Variants in MROH9 observed in about 807,000 individuals in gnomAD.
MROH9 encodes the protein maestro heat like repeat family member 9.
A neutral mutation model predicts 98.2 loss-of-function variants in MROH9; 92 were observed. The observed-to-expected ratio is 0.94, with a 90% confidence interval of 0.79 to 1.11. The LOEUF (loss-of-function observed/expected upper bound fraction) is 1.11, where lower values mean the gene tolerates loss of function less well. MROH9 is among the 50% of genes most tolerant of loss of function. MROH9 has a pLI of 0.00. For missense variants in MROH9, 1,057 were observed against 1,014.8 expected, an observed-to-expected ratio of 1.04 and a Z score of -0.57; for synonymous variants, 397 against 368.9, an observed-to-expected ratio of 1.08 and a Z score of -0.87.
chr1:170,980,772 A>T (rs1248412947), intron 8 of MROH9, among the ~76,000 whole-genome samples: 2 of 152,226 alleles, frequency 1.3e-5, no homozygotes, highest in African/African-American at 4.8e-5. Context: ...GACAAATGAG[A>T]TCTAATTCAA....
intron 15 of MROH9, among the ~76,000 whole-genome samples, chr1:171,003,146 T>C (rs1334651252): frequency 1.3e-5 from 2 of 152,206 alleles, no homozygotes; most frequent in Non-Finnish European, 2.9e-5. Flanking sequence ...TCTTCACTTC[T>C]TGTATCATTT....
At chr1:171,012,647 T>G (rs896695670) in intron 15 of MROH9, among the ~76,000 whole-genome samples, 7 of 151,652 alleles carry the variant, frequency 4.6e-5, no homozygotes, top group Admixed American at 3.9e-4. Context: ...GGACTACAGG[T>G]GCCTGCCACC....
chr1:170,981,569 G>T (rs964265927), intron 8 of MROH9, among the ~76,000 whole-genome samples: 4 of 152,054 alleles, frequency 2.6e-5, no homozygotes, highest in African/African-American at 9.7e-5. Context: ...GAGAACACAT[G>T]GACACAGAGA....
chr1:170,994,443 C>T (rs1557889438), intron 12 of MROH9, among the ~76,000 whole-genome samples: 1 of 152,094 alleles, frequency 6.6e-6, no homozygotes, highest in Non-Finnish European at 1.5e-5. Flanking sequence ...ATGTTTCTCA[C>T]ATGTCATTTT....
chr1:170,937,201 G>C (rs1262708390), intron 1 of MROH9, among the ~76,000 whole-genome samples: 1 of 152,148 alleles, frequency 6.6e-6, no homozygotes, highest in African/African-American at 2.4e-5. Flanking sequence ...TTTAATTCCT[G>C]TTCCAACATA....
At chr1:170,986,157 T>C (rs1428767207) in intron 9 of MROH9, among the ~76,000 whole-genome samples, 4 of 152,154 alleles carry the variant, frequency 2.6e-5, no homozygotes, top group African/African-American at 9.7e-5. Context: ...CCTGATCCCT[T>C]TCTGTAAAAG....
At chr1:170,992,488 G>T (rs897045940) in intron 12 of MROH9, among the ~76,000 whole-genome samples, 159 bp downstream of exon 12, 2 of 152,126 alleles carry the variant, frequency 1.3e-5, no homozygotes, top group African/African-American at 4.8e-5. Flanking sequence ...TATTTGCTAT[G>T]CCCTATTATG....
At chr1:170,966,252 G>A (rs928698931) in intron 7 of MROH9, among the ~76,000 whole-genome samples, 1 of 152,156 alleles carries the variant, frequency 6.6e-6, no homozygotes, top group African/African-American at 2.4e-5. Context: ...ATTTCGGATG[G>A]AGAACAAATA....
At chr1:170,971,654 T>A in intron 7 of MROH9, 94 bp from the exon 8 acceptor site, 2 of 1,390,442 alleles carry the variant, frequency 1.4e-6, no homozygotes, top group African/African-American at 1.4e-5. Context: ...TATCTTAGAA[T>A]CCTAGTCTGA....
intron 11 of MROH9, among the ~76,000 whole-genome samples, chr1:170,990,291 A>G (rs1651307404): frequency 1.3e-5 from 2 of 152,234 alleles, no homozygotes; most frequent in Admixed American, 1.3e-4. Flanking sequence ...CACATCCCAG[A>G]GGAACAAACC....
At chr1:171,041,724 TCAA>T (rs1411738680) in intron 20 of MROH9, among the ~76,000 whole-genome samples, 1 of 151,970 alleles carries the variant, frequency 6.6e-6, no homozygotes, top group African/African-American at 2.4e-5. Flanking sequence ...TGTAACTTCA[TCAA>T]CATTTGTTCT....
chr1:170,970,737 A>T (rs866877748), intron 7 of MROH9, among the ~76,000 whole-genome samples: 23,923 of 128,382 alleles, frequency 0.19, 2,119 homozygotes, highest in African/African-American at 0.27. Flanking sequence ...TGTGTGAGAG[A>T]GAGAGAGAGA....
intron 15 of MROH9, among the ~76,000 whole-genome samples, chr1:171,008,412 T>C (rs1484587073): frequency 6.6e-6 from 1 of 152,214 alleles, no homozygotes; most frequent in Non-Finnish European, 1.5e-5. Flanking sequence ...AGTTATTTAT[T>C]ATGTGTTGCC....
intron 21 of MROH9, 88 bp downstream of exon 21, chr1:171,062,282 G>A: frequency 1.1e-6 from 1 of 915,020 alleles, no homozygotes; most frequent in Admixed American, 2.3e-5. Context: ...AGTTCTGTTA[G>A]AGTGCCAGGC....
chr1:171,034,217 A>G (rs962990091), intron 20 of MROH9, among the ~76,000 whole-genome samples: 81 of 152,344 alleles, frequency 5.3e-4, no homozygotes, highest in African/African-American at 1.9e-3. Flanking sequence ...TTTTATATCC[A>G]GCACAATTTT....
At chr1:170,973,113 G>A (rs552177365) in intron 8 of MROH9, among the ~76,000 whole-genome samples, 12 of 146,992 alleles carry the variant, frequency 8.2e-5, no homozygotes, top group South Asian at 4.4e-4. Context: ...GCATGCACAC[G>A]CATACACACA....
intron 17 of MROH9, among the ~76,000 whole-genome samples, chr1:171,017,606 GTGGCAGC>G (rs1652370817): frequency 6.6e-6 from 1 of 152,194 alleles, no homozygotes; most frequent in Admixed American, 6.5e-5. Context: ...TGGGGGAGGG[GTGGCAGC>G]TGGCACTCAG....
intron 3 of MROH9, among the ~76,000 whole-genome samples, chr1:170,951,059 G>T (rs1649536392): frequency 6.6e-6 from 1 of 151,946 alleles, no homozygotes. Context: ...TGGATTTGAA[G>T]GAATTTTAAA....
At chr1:171,017,991 A>G (rs1429599425) in intron 17 of MROH9, among the ~76,000 whole-genome samples, 1 of 152,174 alleles carries the variant, frequency 6.6e-6, no homozygotes, top group Non-Finnish European at 1.5e-5. Context: ...AGCAAGGCAG[A>G]CCAGACAAGT....
Sources: allele counts gnomAD v4.1 joint callset (sites outside exome capture counted in the v4.1 genomes callset), GRCh38; gene constraint gnomAD v4.1.1; transcripts MANE v1.5; gene names NCBI Gene and HGNC (gene_info 2026-07-23, HGNC 2026-07-21).